The following INPP5F variants were observed in gnomAD, a reference collection of about 807,000 sequenced individuals.
INPP5F encodes inositol polyphosphate-5-phosphatase F.
Under a neutral mutation model 137.2 loss-of-function variants are expected in INPP5F, and 97 were observed. That is an observed-to-expected ratio of 0.71 (90% CI 0.60 to 0.84). INPP5F has a LOEUF of 0.84. Among genes scored for constraint, INPP5F ranks in the 40% least tolerant of loss-of-function variants. The pLI is 0.00. For synonymous variants in INPP5F, 504 were observed against 476.9 expected (o/e 1.06, Z -0.74); for missense variants, 1,271 against 1,371.9 (o/e 0.93, Z 1.16).
At chr10:119,785,102 A>G (rs1156447896) in intron 3 of INPP5F, among the ~76,000 whole-genome samples, 1 of 151,696 alleles carries the variant, frequency 6.6e-6, no homozygotes, top group Non-Finnish European at 1.5e-5. Flanking sequence ...TTATTTGTTC[A>G]TCAGTTGGTA....
chr10:119,726,753 T>A (rs1041911573), intron 1 of INPP5F, among the ~76,000 whole-genome samples: 1 of 152,204 alleles, frequency 6.6e-6, no homozygotes, highest in Non-Finnish European at 1.5e-5. Flanking sequence ...AAGTTCTGGG[T>A]TCGAATTCCG....
chr10:119,798,731 C>A, intron 9 of INPP5F, 121 bp downstream of exon 9: 20 of 384,972 alleles, frequency 5.2e-5, no homozygotes, highest in East Asian at 1.1e-4. Context: ...AAGTTTAACA[C>A]ATTTAAGCTA....
chr10:119,806,287 C>A, intron 11 of INPP5F, 73 bp from the exon 12 acceptor site: 1 of 1,114,604 alleles, frequency 9.0e-7, no homozygotes, highest in Non-Finnish European at 1.3e-6. Flanking sequence ...TATTGATATA[C>A]TTTAAAGAAT....
At chr10:119,745,617 G>A (rs1848507338) in intron 1 of INPP5F, among the ~76,000 whole-genome samples, 1 of 150,140 alleles carries the variant, frequency 6.7e-6, no homozygotes, top group African/African-American at 2.5e-5. Flanking sequence ...CATCAACCTT[G>A]TGATGTAATC....
Position 119,797,597 on chromosome 10 carries a change from C to G in INPP5F, c.1005C>G (p.Ser335Arg). ...GAGGCTCTGTGCCTGTCTTTTGGAG[C>G]CAGGTTGGGTATCGATATAACCCAA... is the stretch of plus-strand genomic sequence containing the variant. ...QTRGSVPVFW[S>R]QVGYRYNPRP... The change falls in exon 8 of 20, where the codon AGC becomes AGG. Residue 335 changes from serine to arginine, a missense_variant. Physicochemically the swap from Ser to Arg is moderately radical, Grantham distance 110. Coordinates refer to ENST00000650623, the MANE Select transcript of INPP5F (RefSeq NM_014937.4). The G allele has an allele frequency of 6.2e-7, 1 of 1,613,072 alleles. No homozygotes were observed. The highest frequency in any genetic ancestry group is 1.1e-5 in the South Asian group (1 of 90,754).
At chr10:119,800,076 T>G (rs907857346) in intron 9 of INPP5F, among the ~76,000 whole-genome samples, 2 of 151,638 alleles carry the variant, frequency 1.3e-5, no homozygotes, top group Non-Finnish European at 2.9e-5. Flanking sequence ...TATTAAAATT[T>G]TATTAAAATT....
At chr10:119,767,631 A>G (rs1244359528) in intron 2 of INPP5F, among the ~76,000 whole-genome samples, 3 of 152,230 alleles carry the variant, frequency 2.0e-5, no homozygotes, top group Admixed American at 2.0e-4. Flanking sequence ...AAAGATGTTT[A>G]TACTAGAAAA....
In INPP5F at chr10:119,828,136, C is replaced by T. The variant is rs770925185; in HGVS notation, c.*356C>T. On this transcript the variant is annotated 3_prime_UTR_variant, in exon 20 of 20. Coordinates refer to ENST00000650623, the MANE Select transcript of INPP5F (RefSeq NM_014937.4). Reference sequence around the variant, plus strand: ...GACATGCAGATGCTTAGGGGATTAGCGTTTTTCATAATTTGTTCTGTTTGT... The same window carrying T: ...GACATGCAGATGCTTAGGGGATTAGTGTTTTTCATAATTTGTTCTGTTTGT... 3 of 171,194 alleles carry T rather than the reference C, an allele frequency of 1.8e-5. No homozygotes were observed. The highest frequency in any genetic ancestry group is 5.7e-5 in the Admixed American group (1 of 17,532). The allele number at this position is 171,194 out of a possible 1,614,324, so 10.6% of individuals were successfully genotyped here.
chr10:119,781,085 T>C (rs1399913427), intron 2 of INPP5F, among the ~76,000 whole-genome samples: 1 of 152,270 alleles, frequency 6.6e-6, no homozygotes, highest in Non-Finnish European at 1.5e-5. Context: ...ATTGCATGGA[T>C]GTGCCATAGT....
chr10:119,822,131 A>G (rs899446887), intron 16 of INPP5F, among the ~76,000 whole-genome samples: 1 of 150,308 alleles, frequency 6.7e-6, no homozygotes, highest in African/African-American at 2.4e-5. Flanking sequence ...CTCATGATCC[A>G]CCCGCCTCGG....
At chr10:119,766,791 C>T (rs1262508098) in intron 2 of INPP5F, among the ~76,000 whole-genome samples, 1 of 152,032 alleles carries the variant, frequency 6.6e-6, no homozygotes, top group Admixed American at 6.6e-5. Flanking sequence ...TTGTCACCAA[C>T]AGTCTCTGCA....
chr10:119,759,269 C>A, intron 2 of INPP5F, among the ~76,000 whole-genome samples: 1 of 152,192 alleles, frequency 6.6e-6, no homozygotes, highest in East Asian at 1.9e-4. Flanking sequence ...AGTCTACCTG[C>A]CTTGGCCTTT....
intron 1 of INPP5F, among the ~76,000 whole-genome samples, chr10:119,738,290 A>G (rs903051251): frequency 1.3e-5 from 2 of 152,160 alleles, no homozygotes; most frequent in African/African-American, 4.8e-5. Context: ...GATAACGTTG[A>G]TGATCTTAAA....
In INPP5F at chr10:119,826,915, CAG is replaced by C. The variant is rs1564858658; in HGVS notation, c.2537_2538del (p.Glu846ValfsTer2). 4 of 1,613,954 alleles carry C rather than the reference CAG, an allele frequency of 2.5e-6. No homozygotes were observed. The highest frequency in any genetic ancestry group is 2.5e-6 in the Non-Finnish European group (3 of 1,179,948). On this transcript the variant is annotated frameshift_variant, in exon 20 of 20. Coordinates refer to ENST00000650623, the MANE Select transcript of INPP5F (RefSeq NM_014937.4). LOFTEE classifies it high-confidence loss of function. ...ACAGGAGTGATGGATAAGGTTCAGG[CAG>C]AGTCTGATGGGGACATGTCTTCAGA...
intron 2 of INPP5F, among the ~76,000 whole-genome samples, chr10:119,755,948 G>C (rs1425555700): frequency 6.6e-6 from 1 of 151,926 alleles, no homozygotes; most frequent in Non-Finnish European, 1.5e-5. Flanking sequence ...ATGAGGTCAG[G>C]AGTTCGAGGC....
At chr10:119,777,366 A>C (rs760641818) in intron 2 of INPP5F, among the ~76,000 whole-genome samples, 1 of 152,068 alleles carries the variant, frequency 6.6e-6, no homozygotes, top group Admixed American at 6.5e-5. Context: ...CAACAAAAAA[A>C]CCCACAAAAA....
chr10:119,827,337 C>G lies in INPP5F; in HGVS notation c.2956C>G (p.Gln986Glu), dbSNP rs1274771211. 6.2e-7 allele frequency: 1 copy of G among 1,614,170 alleles called. No individual in the cohort carries two copies. Among genetic ancestry groups the G allele is most frequent in the Admixed American group, 1.7e-5 (1 of 60,024 alleles). Residue 986 changes from glutamine to glutamate, a missense_variant, in exon 20 of 20, where the codon CAG (glutamine) becomes GAG (glutamate). Physicochemically the swap from Gln to Glu is conservative, Grantham distance 29. Around this residue, in one of 6 missense-constraint regions of INPP5F, gnomAD observed 490 missense variants for 443.7 expected, o/e 1.10. Coordinates refer to ENST00000650623, the MANE Select transcript of INPP5F (RefSeq NM_014937.4). ...ETRSVSQQAS[Q>E]ERNQMTNQVS... is the part of the protein sequence containing the mutation. ...CAGATCTGTGTCTCAGCAGGCTAGT[C>G]AGGAAAGAAATCAAATGACCAATCA...
At chr10:119,764,925 T>C (rs1849112820) in intron 2 of INPP5F, among the ~76,000 whole-genome samples, 2 of 151,538 alleles carry the variant, frequency 1.3e-5, no homozygotes, top group South Asian at 4.2e-4. Flanking sequence ...CTTACTTTAT[T>C]TATTCATTTA....
chr10:119,753,617 C>T (rs932930766), intron 2 of INPP5F, among the ~76,000 whole-genome samples: 5 of 152,122 alleles, frequency 3.3e-5, no homozygotes, highest in Admixed American at 6.5e-5. Flanking sequence ...ATAACCTGGA[C>T]GTCCTTTCAG....
Sources: gnomAD v4.1 joint callset for allele counts (sites outside exome capture counted in the v4.1 genomes callset) on GRCh38, gnomAD v4.1.1 for gene constraint, gnomAD v4.1.1 regional missense constraint, MANE v1.5 for transcripts, NCBI Gene and HGNC (gene_info 2026-07-23, HGNC 2026-07-21) for gene names.